PCDHGA7: variants seen among roughly 807,000 people sequenced by gnomAD.
PCDHGA7 encodes protocadherin gamma-A7.
PCDHGA7 carries 44 observed loss-of-function variants against 58.3 expected under a neutral mutation model. The observed-to-expected ratio is 0.75, with a 90% confidence interval of 0.59 to 0.97. The LOEUF (loss-of-function observed/expected upper bound fraction) is 0.97, where lower values mean the gene tolerates loss of function less well. Ranked by LOEUF, PCDHGA7 falls within the 50% of genes least tolerant of loss-of-function variation. The pLI is 0.00. For synonymous variants in PCDHGA7, 516 were observed against 504.2 expected, an observed-to-expected ratio of 1.02 and a Z score of -0.31; for missense variants, 1,266 against 1,188.7, an observed-to-expected ratio of 1.06 and a Z score of -0.96.
chr5:141,420,005 C>T, intron 1 of PCDHGA7: 2 of 1,614,056 alleles, frequency 1.2e-6, no homozygotes, highest in Non-Finnish European at 1.7e-6. Context: ...TCTACGCCTG[C>T]GACAGTCTTT....
At chr5:141,398,356 G>A (rs1242233046) in intron 1 of PCDHGA7, 2 of 1,409,378 alleles carry the variant, frequency 1.4e-6, no homozygotes, top group South Asian at 1.2e-5. Context: ...TTACTTCACC[G>A]TGAGCGCAGA....
intron 1 of PCDHGA7, among the ~76,000 whole-genome samples, chr5:141,470,451 T>C (rs2099230860): frequency 6.6e-6 from 1 of 152,210 alleles, no homozygotes; most frequent in Non-Finnish European, 1.5e-5. Context: ...AATAGCATCT[T>C]GAATAGGATT....
At chr5:141,416,115 A>G (rs2095995433) in intron 1 of PCDHGA7, 2 of 155,406 alleles carry the variant, frequency 1.3e-5, no homozygotes, top group East Asian at 1.9e-4. Context: ...TTCAAACTAC[A>G]TTTTATATAT....
intron 1 of PCDHGA7, among the ~76,000 whole-genome samples, chr5:141,444,152 ATTTTTTTTTTTTTTTT>A (rs747671382): frequency 6.3e-3 from 214 of 33,896 alleles, no homozygotes; most frequent in African/African-American, 0.023. Flanking sequence ...TGTGTACTGG[ATTTTTTTTTTTTTTTT>A]TTTTTTTTTT....
At chr5:141,421,633 G>A (rs1369645749) in intron 1 of PCDHGA7, 3 of 1,613,834 alleles carry the variant, frequency 1.9e-6, no homozygotes, top group Non-Finnish European at 2.5e-6. Context: ...CAGCTTCCAG[G>A]AGGACGAAGT....
At chr5:141,466,095 C>T (rs1170423552) in intron 1 of PCDHGA7, among the ~76,000 whole-genome samples, 1 of 152,038 alleles carries the variant, frequency 6.6e-6, no homozygotes, top group African/African-American at 2.4e-5. Flanking sequence ...GCACTCCAGC[C>T]TGGGCAACAG....
intron 1 of PCDHGA7, among the ~76,000 whole-genome samples, chr5:141,472,274 G>A (rs1170341842): frequency 6.6e-6 from 1 of 152,176 alleles, no homozygotes; most frequent in Admixed American, 6.5e-5. Flanking sequence ...GGGCACAGTG[G>A]CTCACACCTG....
intron 1 of PCDHGA7, chr5:141,394,099 C>T: frequency 1.2e-6 from 2 of 1,613,930 alleles, no homozygotes; most frequent in South Asian, 1.1e-5. Context: ...GATCTAGGAA[C>T]ACCACCTCTG....
intron 3 of PCDHGA7, among the ~76,000 whole-genome samples, chr5:141,505,697 C>T (rs540949327): frequency 1.4e-4 from 21 of 152,198 alleles, no homozygotes; most frequent in Admixed American, 7.2e-4. Context: ...TGGAGGAGAG[C>T]GAACAAGGAA....
Position 141,489,524 on chromosome 5 carries a change from T to TA in PCDHGA7, c.2425-5282dup. Reference sequence around the variant, plus strand: ...AATCAAAAGATTGACCGAGAAAGCCTATGTGGAGCCAGCACCAGCTGCCTG... The same window carrying TA: ...AATCAAAAGATTGACCGAGAAAGCCTAATGTGGAGCCAGCACCAGCTGCCTG... On this transcript the variant is annotated intron_variant, in intron 1 of 3. Transcript: ENST00000518325. This position sits in a 1 kb window ranked among gnomAD's most constrained non-coding sequence, Gnocchi z 4.5. 6.2e-7 allele frequency: 1 copy of TA among 1,614,076 alleles called. No homozygotes were observed. Among genetic ancestry groups the TA allele is most frequent in the Non-Finnish European group, 8.5e-7 (1 of 1,180,010 alleles).
At chr5:141,503,396 A>G (rs1025780031) in intron 2 of PCDHGA7, among the ~76,000 whole-genome samples, 2 of 151,944 alleles carry the variant, frequency 1.3e-5, no homozygotes, top group African/African-American at 2.4e-5. Flanking sequence ...GGAGTTCGAA[A>G]CCAACCTGGC....
At chr5:141,509,117 G>A (rs1271574654) in intron 3 of PCDHGA7, among the ~76,000 whole-genome samples, 1 of 152,150 alleles carries the variant, frequency 6.6e-6, no homozygotes, top group Admixed American at 6.5e-5. Flanking sequence ...GCGCTGGTGC[G>A]TGAAGAGAAA....
At chr5:141,421,565 A>G (rs1373619696) in intron 1 of PCDHGA7, 1 of 1,613,952 alleles carries the variant, frequency 6.2e-7, no homozygotes, top group Admixed American at 1.7e-5. Context: ...CTCGTGGAAG[A>G]CACCTTGAAG....
Position 141,476,019 on chromosome 5 carries a change from C to T in PCDHGA7, c.2425-18788C>T, listed in dbSNP as rs964061075. The T allele has an allele frequency of 3.9e-5, 54 of 1,390,282 alleles. 1 individual carries two copies. Among genetic ancestry groups the T allele is most frequent in the Non-Finnish European group, 4.9e-5 (51 of 1,034,212 alleles). 86.1% of individuals were successfully genotyped at this position (1,390,282 alleles called of 1,614,324 possible). A position where few individuals can be genotyped will look rare whatever the true frequency, so the allele number is the denominator to read the frequency against. Reference sequence around the variant, plus strand: ...ACGGCATCCAGAAAGCCATGTCGGACTCGGCGCCCAGCGCCCAAGCGCTAA... The same window carrying T: ...ACGGCATCCAGAAAGCCATGTCGGATTCGGCGCCCAGCGCCCAAGCGCTAA... On this transcript the variant is annotated intron_variant, in intron 1 of 3. Transcript: ENST00000518325. This position sits in a 1 kb window ranked among gnomAD's most constrained non-coding sequence, Gnocchi z 7.6.
chr5:141,386,419 G>T (rs952384075), intron 1 of PCDHGA7, among the ~76,000 whole-genome samples: 1 of 152,112 alleles, frequency 6.6e-6, no homozygotes, highest in African/African-American at 2.4e-5. Flanking sequence ...GTTGCAAGCT[G>T]TAGCCCACCT....
Position 141,431,135 on chromosome 5 carries a change from A to C in PCDHGA7, c.2424+45812A>C. ...TGGAGTAGAAGTAGAAGTAAGGGAC[A>C]TTAACGACAATGCGCCTTACTTTCG... On this transcript the variant is annotated intron_variant, in intron 1 of 3. Coordinates refer to ENST00000518325, the MANE Select transcript of PCDHGA7 (RefSeq NM_018920.4). The surrounding 1 kb of genome is among the most constrained non-coding windows in gnomAD (Gnocchi z 4.8). 1 of 1,614,266 alleles carries C rather than the reference A, an allele frequency of 6.2e-7. No homozygotes were observed. Among genetic ancestry groups the C allele is most frequent in the Non-Finnish European group, 8.5e-7 (1 of 1,180,042 alleles).
Position 141,412,876 on chromosome 5 carries a change from A to G in PCDHGA7, c.2424+27553A>G, listed in dbSNP as rs1206092699. 12 of 281,096 alleles carry G rather than the reference A, an allele frequency of 4.3e-5. No homozygotes were observed. The East Asian group carries it at 7.9e-4, about 19-fold the overall frequency. The allele number at this position is 281,096 out of a possible 1,614,324, so 17.4% of individuals were successfully genotyped here. A position where few individuals can be genotyped will look rare whatever the true frequency, so the allele number is the denominator to read the frequency against. On this transcript the variant is annotated intron_variant, in intron 1 of 3. Coordinates refer to ENST00000518325, the MANE Select transcript of PCDHGA7 (RefSeq NM_018920.4). ...CAAAGAATCTATGTAAAATATAATAATCCAACAGAATAGTTTACTTTCCAT... is the reference window on the plus strand; with the variant it reads ...CAAAGAATCTATGTAAAATATAATAGTCCAACAGAATAGTTTACTTTCCAT...
Position 141,485,418 on chromosome 5 carries a change from G to A in PCDHGA7, c.2425-9389G>A. ...CACTTCCGTGTGGATTTGGACAGCG[G>A]AGCCCTGCTCATCAAGAACCCAATC... On this transcript the variant is annotated intron_variant, in intron 1 of 3. Transcript: ENST00000518325. This position sits in a 1 kb window ranked among gnomAD's most constrained non-coding sequence, Gnocchi z 5.7. 6.2e-7 allele frequency: 1 copy of A among 1,614,174 alleles called. No homozygotes were observed. The highest frequency in any genetic ancestry group is 8.5e-7 in the Non-Finnish European group (1 of 1,180,042).
At chr5:141,386,155 C>A (rs763846568) in intron 1 of PCDHGA7, among the ~76,000 whole-genome samples, 73 of 152,278 alleles carry the variant, frequency 4.8e-4, no homozygotes, top group Middle Eastern at 3.4e-3. Flanking sequence ...AACTGTCTCA[C>A]GTACTCAAAC....
Sources: allele counts gnomAD v4.1 joint callset (sites outside exome capture counted in the v4.1 genomes callset), GRCh38; gene constraint gnomAD v4.1.1; non-coding constraint Gnocchi (gnomAD v3.1); transcripts MANE v1.5; gene names NCBI Gene and HGNC (gene_info 2026-07-23, HGNC 2026-07-21).